The following NIM1K variants were observed in gnomAD, a reference collection of about 807,000 sequenced individuals.
NIM1K encodes the protein serine/threonine-protein kinase NIM1.
NIM1K carries 35 observed loss-of-function variants against 37.1 expected under a neutral mutation model. The ratio of observed to expected loss-of-function variants is 0.94; its 90% CI spans 0.72 to 1.25. NIM1K has a LOEUF of 1.25. Ranked by LOEUF, NIM1K falls within the 50% of genes most tolerant of loss-of-function variation. The pLI is 0.00. For missense variants in NIM1K, 564 were observed against 548.0 expected (o/e 1.03, Z -0.29); for synonymous variants, 234 against 206.6 (o/e 1.13, Z -1.14).
intron 1 of NIM1K, among the ~76,000 whole-genome samples, chr5:43,223,691 T>C (rs1027534194): frequency 6.6e-6 from 1 of 152,126 alleles, no homozygotes; most frequent in Non-Finnish European, 1.5e-5. Context: ...TCAGCTTCAC[T>C]CCAGAGGTTA....
At chr5:43,277,815 T>TGTGTGTGTGAGA (rs532526440) in intron 3 of NIM1K, among the ~76,000 whole-genome samples, 46 of 128,976 alleles carry the variant, frequency 3.6e-4, no homozygotes, top group African/African-American at 1.2e-3. Flanking sequence ...TGTGTGTGTG[T>TGTGTGTGTGAGA]GAGAGAGAGA....
chr5:43,196,622 G>A (rs905165255), intron 1 of NIM1K, among the ~76,000 whole-genome samples: 9 of 151,782 alleles, frequency 5.9e-5, no homozygotes, highest in African/African-American at 1.2e-4. Context: ...GCGACAGAGC[G>A]AGACTCTGTC....
chr5:43,232,300 A>C, intron 1 of NIM1K: 1 of 1,190,856 alleles, frequency 8.4e-7, no homozygotes, highest in South Asian at 1.2e-5. Context: ...AAGCACTGGC[A>C]GTCTCTGCTA....
At chr5:43,250,708 A>G (rs887251136) in intron 2 of NIM1K, among the ~76,000 whole-genome samples, 3 of 152,270 alleles carry the variant, frequency 2.0e-5, no homozygotes, top group Non-Finnish European at 4.4e-5. Flanking sequence ...AGGTTACAAG[A>G]GAAGTTGGAT....
chr5:43,260,891 C>G (rs1388007127), intron 2 of NIM1K, among the ~76,000 whole-genome samples: 1 of 152,044 alleles, frequency 6.6e-6, no homozygotes, highest in South Asian at 2.1e-4. Flanking sequence ...ATAGTTTGCT[C>G]AGAATGATGG....
chr5:43,255,364 C>A (rs1354768740), intron 2 of NIM1K, among the ~76,000 whole-genome samples: 2 of 152,236 alleles, frequency 1.3e-5, no homozygotes, highest in Non-Finnish European at 2.9e-5. Context: ...ACAGCAATCT[C>A]TGTCCTTATG....
chr5:43,271,915 A>G (rs749809246), intron 2 of NIM1K, among the ~76,000 whole-genome samples: 9 of 152,318 alleles, frequency 5.9e-5, no homozygotes, highest in Non-Finnish European at 1.3e-4. Context: ...TATACAAGAA[A>G]TCATACAGTA....
intron 2 of NIM1K, among the ~76,000 whole-genome samples, chr5:43,259,985 T>C (rs1753003619): frequency 6.6e-6 from 1 of 152,160 alleles, no homozygotes; most frequent in African/African-American, 2.4e-5. Flanking sequence ...CCAGTTTTAT[T>C]CTCCTACATG....
chr5:43,264,438 TG>T (rs899779879), intron 2 of NIM1K, among the ~76,000 whole-genome samples: 3 of 151,372 alleles, frequency 2.0e-5, no homozygotes, highest in African/African-American at 7.4e-5. Flanking sequence ...AGACTAGGAT[TG>T]TAACCCCTGC....
intron 2 of NIM1K, among the ~76,000 whole-genome samples, chr5:43,251,939 C>A (rs1261578665): frequency 6.6e-6 from 1 of 152,030 alleles, no homozygotes; most frequent in Non-Finnish European, 1.5e-5. Flanking sequence ...GAGCTGTAAC[C>A]CTTTGAGTCA....
chr5:43,216,683 A>G (rs1752304577), intron 1 of NIM1K, among the ~76,000 whole-genome samples: 2 of 152,232 alleles, frequency 1.3e-5, no homozygotes, highest in South Asian at 4.1e-4. Flanking sequence ...CCCCGATTGT[A>G]TAAGTCTTTA....
intron 1 of NIM1K, among the ~76,000 whole-genome samples, chr5:43,222,301 A>G (rs953516344): frequency 2.6e-5 from 4 of 152,166 alleles, no homozygotes; most frequent in African/African-American, 9.7e-5. Context: ...ATAATAATCA[A>G]ATTGGTGGGT....
intron 1 of NIM1K, among the ~76,000 whole-genome samples, chr5:43,242,460 G>A (rs1357335601): frequency 1.1e-4 from 16 of 151,594 alleles, no homozygotes; most frequent in Non-Finnish European, 1.5e-5. Context: ...AGGGATGGGG[G>A]AGACTTGCAT....
intron 2 of NIM1K, among the ~76,000 whole-genome samples, chr5:43,247,223 T>G (rs529001953): frequency 3.0e-4 from 46 of 152,310 alleles, no homozygotes; most frequent in African/African-American, 1.1e-3. Context: ...CTGAAGCCTG[T>G]GTATCTGGGT....
At chr5:43,201,458 T>C (rs2112203182) in intron 1 of NIM1K, among the ~76,000 whole-genome samples, 1 of 152,262 alleles carries the variant, frequency 6.6e-6, no homozygotes, top group East Asian at 1.9e-4. Context: ...GGACTTTTCT[T>C]TGAAGACTAA....
At chr5:43,203,453 G>A (rs12658308) in intron 1 of NIM1K, among the ~76,000 whole-genome samples, 3,956 of 152,244 alleles carry the variant, frequency 0.026, 155 homozygotes, top group East Asian at 0.16. Flanking sequence ...GAACTGTGAC[G>A]AATCCGGCTG....
rs114252759 is a variant in NIM1K, at chr5:43,196,660, A to T, written c.-695+4249A>T. ...AAAAATAAATAAATAAATAAATAAA[A>T]AATAAAAGCTTATAACTAAAACAAC... On this transcript the variant is annotated intron_variant, in intron 1 of 3. Coordinates refer to ENST00000326035, the MANE Select transcript of NIM1K (RefSeq NM_153361.4). 4.5e-3 allele frequency among the ~76,000 whole-genome samples: 668 copies of T among 149,604 alleles called. 3 individuals carry two copies. The highest frequency in any genetic ancestry group is 5.9e-3 in the Non-Finnish European group (402 of 67,668).
chr5:43,250,158 G>T (rs1037699787), intron 2 of NIM1K, among the ~76,000 whole-genome samples: 1 of 151,960 alleles, frequency 6.6e-6, no homozygotes, highest in African/African-American at 2.4e-5. Context: ...GGCCGGATTA[G>T]TTTTAAATAT....
intron 1 of NIM1K, chr5:43,207,566 T>C (rs555708284): frequency 1.5e-6 from 1 of 687,088 alleles, no homozygotes; most frequent in Admixed American, 1.8e-5. Flanking sequence ...CACATGGGAG[T>C]TTCTCAGACT....
Sources: gnomAD v4.1 joint callset for allele counts (sites outside exome capture counted in the v4.1 genomes callset) on GRCh38, gnomAD v4.1.1 for gene constraint, MANE v1.5 for transcripts, NCBI Gene and HGNC (gene_info 2026-07-23, HGNC 2026-07-21) for gene names.